The following EPS15 variants were observed in gnomAD, a reference collection of about 807,000 sequenced individuals.
The protein encoded by EPS15 is epidermal growth factor receptor pathway substrate 15, also known as epidermal growth factor receptor substrate 15.
EPS15 carries 72 observed loss-of-function variants against 113.8 expected under a neutral mutation model. The observed-to-expected ratio is 0.63, with a 90% CI of 0.52 to 0.77. EPS15 has a LOEUF of 0.77. Among genes scored for constraint, EPS15 ranks in the 30% least tolerant of loss-of-function variants. The pLI is 0.00. For synonymous variants in EPS15, 344 were observed against 363.4 expected (o/e 0.95, Z 0.61); for missense variants, 1,048 against 1,045.8 (o/e 1.00, Z -0.03).
intron 19 of EPS15, among the ~76,000 whole-genome samples, 185 bp downstream of exon 19, chr1:51,400,733 A>AAAAAAAAAAAAAAAAAAAAG (rs1553120052): frequency 6.8e-6 from 1 of 147,764 alleles, no homozygotes; most frequent in Non-Finnish European, 1.5e-5. Flanking sequence ...AAAAAAAAAA[A>AAAAAAAAAAAAAAAAAAAAG]AAGAAGAAGT....
At chr1:51,511,951 T>C (rs1644628977) in intron 1 of EPS15, among the ~76,000 whole-genome samples, 1 of 152,242 alleles carries the variant, frequency 6.6e-6, no homozygotes, top group Non-Finnish European at 1.5e-5. Flanking sequence ...TACTTTTCTT[T>C]GTATATTTTT....
chr1:51,470,205 C>A (rs1384942515), intron 4 of EPS15, among the ~76,000 whole-genome samples: 1 of 152,170 alleles, frequency 6.6e-6, no homozygotes, highest in African/African-American at 2.4e-5. Context: ...TAAAACCCTT[C>A]CATAATAGGG....
chr1:51,364,674 T>G (rs1646467966), intron 22 of EPS15, among the ~76,000 whole-genome samples: 1 of 151,878 alleles, frequency 6.6e-6, no homozygotes, highest in Admixed American at 6.6e-5. Context: ...TTTTAATTTT[T>G]ATTTTGTAGA....
chr1:51,417,800 A>G (rs1468001192), intron 13 of EPS15, among the ~76,000 whole-genome samples: 1 of 152,236 alleles, frequency 6.6e-6, no homozygotes, highest in Non-Finnish European at 1.5e-5. Flanking sequence ...TGGGAATAAG[A>G]AGGAGAATAT....
intron 8 of EPS15, chr1:51,458,107 T>G (rs1361786335): frequency 6.6e-6 from 1 of 152,076 alleles, no homozygotes; most frequent in Non-Finnish European, 1.5e-5. Flanking sequence ...GAAGCAGTAT[T>G]AAAATCACAC....
chr1:51,405,374 C>A (rs1253224360), intron 16 of EPS15, among the ~76,000 whole-genome samples: 1 of 152,044 alleles, frequency 6.6e-6, no homozygotes, highest in African/African-American at 2.4e-5. Context: ...CTCTATAGAA[C>A]CACCATTTTA....
At chr1:51,512,997 TA>T (rs974535469) in intron 1 of EPS15, among the ~76,000 whole-genome samples, 1 of 151,708 alleles carries the variant, frequency 6.6e-6, no homozygotes, top group Non-Finnish European at 1.5e-5. Context: ...CCCAGCTAAT[TA>T]AAAAAAATTT....
chr1:51,456,577 ATATTT>A (rs1654013274), intron 8 of EPS15, among the ~76,000 whole-genome samples: 1 of 152,222 alleles, frequency 6.6e-6, no homozygotes, highest in Non-Finnish European at 1.5e-5. Context: ...TAAGAACATT[ATATTT>A]TATTATTTAG....
At chr1:51,421,026 G>C (rs1650702468) in intron 13 of EPS15, among the ~76,000 whole-genome samples, 1 of 152,062 alleles carries the variant, frequency 6.6e-6, no homozygotes. Context: ...CTATGTGCCG[G>C]TGCAGCACTA....
chr1:51,444,316 T>C (rs1406395776), intron 11 of EPS15, among the ~76,000 whole-genome samples: 2 of 152,180 alleles, frequency 1.3e-5, no homozygotes, highest in Non-Finnish European at 2.9e-5. Flanking sequence ...AAATTCTCAC[T>C]GCTGTCCAGA....
chr1:51,456,349 A>C (rs1327507784), intron 8 of EPS15, among the ~76,000 whole-genome samples: 1 of 152,216 alleles, frequency 6.6e-6, no homozygotes. Flanking sequence ...ATAAACACAA[A>C]GCAGACACGG....
intron 20 of EPS15, 40 bp downstream of exon 20, chr1:51,398,992 T>C (rs770097010): frequency 3.2e-6 from 5 of 1,577,656 alleles, no homozygotes; most frequent in African/African-American, 2.7e-5. Context: ...AGGACACTTA[T>C]TATCCATTTA....
chr1:51,359,750 C>CAAA (rs761756104), intron 24 of EPS15, among the ~76,000 whole-genome samples: 258 of 125,138 alleles, frequency 2.1e-3, no homozygotes, highest in African/African-American at 7.5e-3. Context: ...AAACTCATCT[C>CAAA]AAAAAAAAAA....
chr1:51,357,402 ATATATATATATATATATATATATATT>A (rs1381435488), intron 24 of EPS15, among the ~76,000 whole-genome samples: 1 of 50,290 alleles, frequency 2.0e-5, no homozygotes, highest in Non-Finnish European at 3.5e-5. Context: ...ATATATATAT[ATATATATATATATATATATATATATT>A]TTTTTTTTTT....
At chr1:51,440,539 T>C in intron 11 of EPS15, 107 bp from the exon 12 acceptor site, 1 of 414,298 alleles carries the variant, frequency 2.4e-6, no homozygotes, top group Non-Finnish European at 4.3e-6. Context: ...TTGCATATTT[T>C]ACTGTATTAC....
chr1:51,365,022 A>C (rs1443860457), intron 22 of EPS15, among the ~76,000 whole-genome samples: 2 of 147,024 alleles, frequency 1.4e-5, no homozygotes, highest in Non-Finnish European at 3.0e-5. Context: ...GGTCAAGACG[A>C]GGTTTCACCA....
intron 2 of EPS15, among the ~76,000 whole-genome samples, chr1:51,477,639 T>C (rs1413998923): frequency 6.6e-6 from 1 of 152,164 alleles, no homozygotes; most frequent in Non-Finnish European, 1.5e-5. Flanking sequence ...GTCCCAGAGG[T>C]TCTGGTATGT....
chr1:51,358,603 A>T (rs983664767), intron 24 of EPS15, among the ~76,000 whole-genome samples: 1 of 152,126 alleles, frequency 6.6e-6, no homozygotes, highest in Non-Finnish European at 1.5e-5. Context: ...TGAAAAAAGA[A>T]GATGTTCTTA....
intron 2 of EPS15, among the ~76,000 whole-genome samples, chr1:51,475,696 T>A (rs1655623366): frequency 6.6e-6 from 1 of 152,222 alleles, no homozygotes; most frequent in Non-Finnish European, 1.5e-5. Context: ...AGATACCATT[T>A]ATCAATTTTG....
Sources: gnomAD v4.1 joint callset for allele counts (sites outside exome capture counted in the v4.1 genomes callset) on GRCh38, gnomAD v4.1.1 for gene constraint, MANE v1.5 for transcripts, NCBI Gene and HGNC (gene_info 2026-07-23, HGNC 2026-07-21) for gene names.